The following CUBN variants were observed in gnomAD, a reference collection of about 807,000 sequenced individuals.
The protein encoded by CUBN is 460 kDa receptor.
In CUBN, 282 loss-of-function variants were observed where a neutral mutation model predicts 405.3. The observed-to-expected ratio is 0.70, with a 90% confidence interval of 0.63 to 0.77. CUBN has a LOEUF of 0.77. CUBN is among the 30% of genes least tolerant of loss of function. The probability of loss-of-function intolerance (pLI) is 0.00; values close to 1 mark genes in which losing one functional copy is unlikely to be tolerated. For missense variants in CUBN, 4,514 were observed against 4,475.2 expected, an observed-to-expected ratio of 1.01 and a Z score of -0.25; for synonymous variants, 1,684 against 1,617.0, an observed-to-expected ratio of 1.04 and a Z score of -0.99.
chr10:16,909,096 A>G (rs1841648059), intron 48 of CUBN, among the ~76,000 whole-genome samples: 1 of 151,126 alleles, frequency 6.6e-6, no homozygotes, highest in African/African-American at 2.4e-5. Context: ...CTTGTTAGCC[A>G]GGATGGTCTC....
chr10:17,080,598 T>C (rs558116582), intron 17 of CUBN, among the ~76,000 whole-genome samples: 159 of 152,298 alleles, frequency 1.0e-3, no homozygotes, highest in Non-Finnish European at 1.7e-3. Flanking sequence ...GGCAGATACT[T>C]TGGGATTGGT....
chr10:17,096,960 T>G (rs372912564), intron 14 of CUBN, among the ~76,000 whole-genome samples: 10 of 152,110 alleles, frequency 6.6e-5, no homozygotes, highest in African/African-American at 2.4e-4. Flanking sequence ...GGAAAATGCA[T>G]TAGTATTAGT....
chr10:17,113,544 G>A (rs1032948555), intron 8 of CUBN, among the ~76,000 whole-genome samples: 2 of 152,110 alleles, frequency 1.3e-5, no homozygotes, highest in Non-Finnish European at 2.9e-5. Context: ...TCAACATATG[G>A]CATCCCTGGA....
rs965218302 is a variant in CUBN, at chr10:16,840,963, T to C, written c.9748A>G (p.Asn3250Asp). 14 of 1,613,882 alleles carry C rather than the reference T, an allele frequency of 8.7e-6. No homozygotes were observed. Among genetic ancestry groups the C allele is most frequent in the South Asian group, 1.1e-5 (1 of 91,082 alleles). The change falls in exon 61 of 67, where the codon AAC becomes GAC. Residue 3250 changes from asparagine to aspartate, a missense_variant. By Grantham distance (23) the Asn-to-Asp change is conservative (BLOSUM62 1). This residue lies in a region of CUBN where 1,186 missense variants were observed against 1,186.9 expected (regional missense o/e 1.00). Coordinates refer to ENST00000377833, the MANE Select transcript of CUBN (RefSeq NM_001081.4). The stretch of plus-strand genomic sequence containing the variant: ...CTGATGAATTGAACCGTAAGGAAGT[T>C]ACCAGAAGAGATAAAAGGAGCAGGT... ...TVPAPFISSG[N>D]FLTVQFISDL... is the part of the protein sequence containing the mutation.
rs1032830399 is a variant in CUBN, at chr10:16,900,703, G to A, written c.8332C>T (p.Gln2778Ter). ...TCTGAGTTAAAAGTCACGACCAGCT[G>A]ATTGGAACCTGACTGTATTGTCCTG... ...NPRTIQSGSN[Q>*]LVVTFNSDHS... The change falls in exon 53 of 67, where the codon CAG becomes TAG. Residue 2778 changes from glutamine to a stop codon, truncating the protein, a stop_gained. Transcript: ENST00000377833. LOFTEE classifies it high-confidence loss of function. The A allele has an allele frequency of 6.2e-7, 1 of 1,614,064 alleles. No homozygotes were observed. The highest frequency in any genetic ancestry group is 1.3e-5 in the African/African-American group (1 of 74,932).
chr10:16,967,980 A>G (rs1216000305), intron 31 of CUBN, among the ~76,000 whole-genome samples: 1 of 132,186 alleles, frequency 7.6e-6, no homozygotes, highest in Non-Finnish European at 1.7e-5. Flanking sequence ...ACAGGGAGAG[A>G]GAGAGAGGAA....
intron 28 of CUBN, among the ~76,000 whole-genome samples, chr10:17,011,188 T>C (rs948253083): frequency 6.6e-6 from 1 of 152,208 alleles, no homozygotes; most frequent in African/African-American, 2.4e-5. Context: ...AAGACAGTAG[T>C]GTGTCTGGAA....
chr10:17,128,575 G>A (rs553744729), intron 2 of CUBN, among the ~76,000 whole-genome samples: 4 of 152,290 alleles, frequency 2.6e-5, no homozygotes, highest in South Asian at 4.1e-4. Context: ...CCCTGTGGAG[G>A]AGTTTCAGTT....
At chr10:16,983,263 T>C (rs996496726) in intron 30 of CUBN, among the ~76,000 whole-genome samples, 1 of 152,138 alleles carries the variant, frequency 6.6e-6, no homozygotes, top group Non-Finnish European at 1.5e-5. Context: ...AAACACTAAA[T>C]GTGTGTGTCT....
intron 65 of CUBN, among the ~76,000 whole-genome samples, chr10:16,829,966 T>G (rs1239229243): frequency 6.6e-6 from 1 of 151,740 alleles, no homozygotes; most frequent in East Asian, 1.9e-4. Context: ...GACGGAGTCT[T>G]GCTCCGTCAC....
rs777141673 is a variant in CUBN, at chr10:17,104,625, A to G, written c.1231-20T>C. The stretch of plus-strand genomic sequence containing the variant: ...AGTGTCCTAAGGGGAAAAAAAACAC[A>G]TAATACCATAAAACAAATGGATAGA... On this transcript the variant is annotated intron_variant, in intron 11 of 66. Transcript: ENST00000377833. 1.8e-5 allele frequency: 28 copies of G among 1,595,720 alleles called. 1 individual carries two copies. The South Asian group carries it at 2.9e-4, about 17-fold the overall frequency.
intron 17 of CUBN, among the ~76,000 whole-genome samples, chr10:17,082,676 C>T (rs1478884587): frequency 6.6e-6 from 1 of 152,178 alleles, no homozygotes; most frequent in Non-Finnish European, 1.5e-5. Context: ...GGGTAATTCA[C>T]AAGACCTTCC....
In CUBN at chr10:16,831,247, C is replaced by G. The variant is rs1838981071; in HGVS notation, c.10528+5G>C. 2 of 1,613,832 alleles carry G rather than the reference C, an allele frequency of 1.2e-6. No homozygotes were observed. The highest frequency in any genetic ancestry group is 1.7e-6 in the Non-Finnish European group (2 of 1,179,820). Reference sequence around the variant, plus strand: ...GCTTTCCTGTACAAAGTGCAAATGTCTTACCAGAGGGTGATGAAGTCCAGA... The same window carrying G: ...GCTTTCCTGTACAAAGTGCAAATGTGTTACCAGAGGGTGATGAAGTCCAGA... On this transcript the variant is annotated splice_donor_5th_base_variant and intron_variant, in intron 65 of 66. Transcript: ENST00000377833.
At chr10:17,101,525 G>C (rs1388938542) in intron 13 of CUBN, among the ~76,000 whole-genome samples, 2 of 152,092 alleles carry the variant, frequency 1.3e-5, no homozygotes, top group African/African-American at 4.8e-5. Context: ...TTTGACCCTT[G>C]TACAATGCCC....
At chr10:16,897,777 TAGG>T (rs1841232104) in intron 54 of CUBN, among the ~76,000 whole-genome samples, 1 of 152,124 alleles carries the variant, frequency 6.6e-6, no homozygotes, top group African/African-American at 2.4e-5. Context: ...TCGGGCCCAT[TAGG>T]AGAAGACGAG....
At chr10:16,960,243 G>A (rs2131643419) in intron 31 of CUBN, among the ~76,000 whole-genome samples, 1 of 152,322 alleles carries the variant, frequency 6.6e-6, no homozygotes, top group Non-Finnish European at 1.5e-5. Flanking sequence ...TGTAATCCCA[G>A]CACTTTGGGA....
intron 56 of CUBN, 137 bp downstream of exon 56, chr10:16,888,278 TAA>T: frequency 2.8e-6 from 2 of 716,592 alleles, no homozygotes; most frequent in Non-Finnish European, 4.8e-6. Flanking sequence ...AAGTGCTAAG[TAA>T]GTGAGTGAGC....
At chr10:16,920,560 G>A (rs1842006809) in intron 43 of CUBN, among the ~76,000 whole-genome samples, 1 of 152,098 alleles carries the variant, frequency 6.6e-6, no homozygotes, top group Admixed American at 6.6e-5. Flanking sequence ...AGACTAAGCA[G>A]ATATATCTTT....
intron 27 of CUBN, among the ~76,000 whole-genome samples, chr10:17,029,113 T>G (rs1048866367): frequency 6.6e-5 from 10 of 152,244 alleles, no homozygotes; most frequent in Non-Finnish European, 1.3e-4. Context: ...GAAATTATTT[T>G]AGGTTTGATT....
Sources: allele counts gnomAD v4.1 joint callset (sites outside exome capture counted in the v4.1 genomes callset), GRCh38; gene constraint gnomAD v4.1.1; regional missense constraint gnomAD v4.1.1; transcripts MANE v1.5; gene names NCBI Gene and HGNC (gene_info 2026-07-23, HGNC 2026-07-21).